PCDHGA7: variants seen among roughly 807,000 people sequenced by gnomAD.
PCDHGA7 encodes protocadherin gamma-A7.
PCDHGA7 carries 44 observed loss-of-function variants against 58.3 expected under a neutral mutation model. That is an observed-to-expected ratio of 0.75 (90% CI 0.59 to 0.97). The LOEUF (loss-of-function observed/expected upper bound fraction) is 0.97. Ranked by LOEUF, PCDHGA7 falls within the 50% of genes least tolerant of loss-of-function variation. PCDHGA7 has a pLI of 0.00. For synonymous variants in PCDHGA7, 516 were observed against 504.2 expected (o/e 1.02, Z -0.31); for missense variants, 1,266 against 1,188.7 (o/e 1.06, Z -0.96).
intron 1 of PCDHGA7, among the ~76,000 whole-genome samples, chr5:141,464,261 T>TC (rs2099079163): frequency 1.5e-5 from 2 of 137,096 alleles, no homozygotes; most frequent in African/African-American, 2.9e-5. Flanking sequence ...CGAGACTCCG[T>TC]CTAAAAAAAA....
At chr5:141,420,228 G>C (rs750839002) in intron 1 of PCDHGA7, 3 of 1,603,310 alleles carry the variant, frequency 1.9e-6, no homozygotes, top group Non-Finnish European at 2.6e-6. Flanking sequence ...CTACTGGCTA[G>C]CATTTTAACT....
At chr5:141,391,607 A>G (rs1436377162) in intron 1 of PCDHGA7, 1 of 152,212 alleles carries the variant, frequency 6.6e-6, no homozygotes, top group Non-Finnish European at 1.5e-5. Flanking sequence ...TTCAGATTTC[A>G]TGAGTGGTTT....
chr5:141,491,409 G>C lies in PCDHGA7; in HGVS notation c.2425-3398G>C, dbSNP rs2099711927. 6.2e-7 allele frequency: 1 copy of C among 1,614,000 alleles called. No homozygotes were observed. Among genetic ancestry groups the C allele is most frequent in the Non-Finnish European group, 8.5e-7 (1 of 1,180,022 alleles). The stretch of plus-strand genomic sequence containing the variant: ...AGTGCCTTCAGGGAAACGCAGACGG[G>C]GACGGGGGTGGAGGGCAGTGCTGCA... On this transcript the variant is annotated intron_variant, in intron 1 of 3. Coordinates refer to ENST00000518325, the MANE Select transcript of PCDHGA7 (RefSeq NM_018920.4). This position sits in a 1 kb window ranked among gnomAD's most constrained non-coding sequence, Gnocchi z 6.9.
Position 141,490,252 on chromosome 5 carries a change from G to A in PCDHGA7, c.2425-4555G>A, listed in dbSNP as rs150107963. The A allele has an allele frequency of 1.9e-6, 3 of 1,614,252 alleles. No homozygotes were observed. Among genetic ancestry groups the A allele is most frequent in the Non-Finnish European group, 1.7e-6 (2 of 1,180,046 alleles). The stretch of plus-strand genomic sequence containing the variant: ...CATGGAGGGCCACTGTGTGATTCAA[G>A]TGGATGTGGGGGATGTCAATGACAA... On this transcript the variant is annotated intron_variant, in intron 1 of 3. Coordinates refer to ENST00000518325, the MANE Select transcript of PCDHGA7 (RefSeq NM_018920.4). This position sits in a 1 kb window ranked among gnomAD's most constrained non-coding sequence, Gnocchi z 5.4.
chr5:141,487,041 G>T lies in PCDHGA7; in HGVS notation c.2425-7766G>T, dbSNP rs149314216. Reference sequence around the variant, plus strand: ...GATCCCAGCCTGTTTGCAGTCTCTCGATATGCTGGGGAGGTGCGGACGGCT... The same window carrying T: ...GATCCCAGCCTGTTTGCAGTCTCTCTATATGCTGGGGAGGTGCGGACGGCT... On this transcript the variant is annotated intron_variant, in intron 1 of 3. Transcript: ENST00000518325. This position sits in a 1 kb window ranked among gnomAD's most constrained non-coding sequence, Gnocchi z 5.0. 6.2e-7 allele frequency: 1 copy of T among 1,614,132 alleles called. No homozygotes were observed. The highest frequency in any genetic ancestry group is 8.5e-7 in the Non-Finnish European group (1 of 1,180,030).
intron 1 of PCDHGA7, among the ~76,000 whole-genome samples, chr5:141,482,866 G>A (rs768388750): frequency 2.7e-5 from 4 of 150,296 alleles, no homozygotes; most frequent in Non-Finnish European, 4.4e-5. Flanking sequence ...GAGGTCAGGA[G>A]TTTGAAACCA....
chr5:141,399,617 TGGCCTCTTACGTGTCCATGAGC>T, intron 1 of PCDHGA7: 4 of 1,613,944 alleles, frequency 2.5e-6, no homozygotes. Flanking sequence ...CCTCTGGCAC[TGGCCTCTTACGTGTCCATGAGC>T]GCGCAAAGTG....
At chr5:141,409,576 G>C (rs1238671221) in intron 1 of PCDHGA7, 52 of 1,613,806 alleles carry the variant, frequency 3.2e-5, no homozygotes, top group Non-Finnish European at 4.2e-5. Flanking sequence ...CGTCCTACGT[G>C]GTCCACGTGG....
chr5:141,418,781 G>C, intron 1 of PCDHGA7: 1 of 1,613,716 alleles, frequency 6.2e-7, no homozygotes, highest in African/African-American at 1.3e-5. Context: ...GCAGCCTTTG[G>C]ATTTTGAAGA....
At chr5:141,472,256 T>C (rs2099275290) in intron 1 of PCDHGA7, among the ~76,000 whole-genome samples, 1 of 152,176 alleles carries the variant, frequency 6.6e-6, no homozygotes, top group South Asian at 2.1e-4. Flanking sequence ...TAAAGTTATA[T>C]TATAGCCGGG....
intron 1 of PCDHGA7, chr5:141,388,753 T>C: frequency 6.2e-7 from 1 of 1,613,986 alleles, no homozygotes; most frequent in Non-Finnish European, 8.5e-7. Flanking sequence ...ATCACCCAAT[T>C]TGACCTGAAC....
At position 141,485,831 on chromosome 5, in the gene PCDHGA7, C is replaced by A; in HGVS notation, c.2425-8976C>A. The A allele has an allele frequency of 6.2e-7, 1 of 1,614,080 alleles. No individual in the cohort carries two copies. Among genetic ancestry groups the A allele is most frequent in the Non-Finnish European group, 8.5e-7 (1 of 1,180,026 alleles). ...GCTGACTGCTGTCGATGGAGGGAAC[C>A]CGCCGAGATCTGGCACCGCAGAGCT... On this transcript the variant is annotated intron_variant, in intron 1 of 3. Coordinates refer to ENST00000518325, the MANE Select transcript of PCDHGA7 (RefSeq NM_018920.4). The surrounding 1 kb of genome is among the most constrained non-coding windows in gnomAD (Gnocchi z 5.7).
intron 1 of PCDHGA7, chr5:141,415,157 C>G: frequency 6.2e-7 from 1 of 1,613,864 alleles, no homozygotes. Context: ...CTCTCCGCCA[C>G]TGTCACGCTC....
chr5:141,389,078 C>T, intron 1 of PCDHGA7: 1 of 1,614,002 alleles, frequency 6.2e-7, no homozygotes, highest in Non-Finnish European at 8.5e-7. Flanking sequence ...CTTCAAGAAA[C>T]ACGTATAAAT....
At chr5:141,394,108 T>C in intron 1 of PCDHGA7, 1 of 1,613,972 alleles carries the variant, frequency 6.2e-7, no homozygotes, top group Non-Finnish European at 8.5e-7. Context: ...ACACCACCTC[T>C]GTCCACTGAA....
At chr5:141,424,746 T>TTA (rs1392854638) in intron 1 of PCDHGA7, 1 of 152,214 alleles carries the variant, frequency 6.6e-6, no homozygotes, top group Non-Finnish European at 1.5e-5. Flanking sequence ...CTTTCTTTCT[T>TTA]TATAAGGTCA....
chr5:141,475,049 A>G (rs553607902), intron 1 of PCDHGA7, among the ~76,000 whole-genome samples: 81 of 152,346 alleles, frequency 5.3e-4, no homozygotes, highest in African/African-American at 1.8e-3. Context: ...TGTATTTTCT[A>G]AAGATTTGTG....
intron 1 of PCDHGA7, chr5:141,415,746 T>TTG: frequency 3.0e-6 from 2 of 662,596 alleles, no homozygotes; most frequent in Non-Finnish European, 3.7e-6. Flanking sequence ...TAAGGTTTTT[T>TTG]TTTTTTTTTT....
intron 1 of PCDHGA7, among the ~76,000 whole-genome samples, chr5:141,443,771 A>G (rs1031470429): frequency 9.2e-5 from 14 of 152,238 alleles, no homozygotes; most frequent in African/African-American, 3.1e-4. Context: ...ATACAATATT[A>G]CCAAAAAGAC....
Sources: gnomAD v4.1 joint callset for allele counts (sites outside exome capture counted in the v4.1 genomes callset) on GRCh38, gnomAD v4.1.1 for gene constraint, Gnocchi (gnomAD v3.1) non-coding constraint, MANE v1.5 for transcripts, NCBI Gene and HGNC (gene_info 2026-07-23, HGNC 2026-07-21) for gene names.